ANXA7: variants seen among roughly 807,000 people sequenced by gnomAD.
ANXA7 encodes annexin A7.
A neutral mutation model predicts 64.9 loss-of-function variants in ANXA7; 55 were observed. The ratio of observed to expected loss-of-function variants is 0.85; its 90% CI spans 0.68 to 1.06. The LOEUF is 1.06. ANXA7 is among the 50% of genes least tolerant of loss of function. The probability of loss-of-function intolerance (pLI) is 0.00; values close to 1 mark genes in which losing one functional copy is unlikely to be tolerated. For synonymous variants in ANXA7, 200 were observed against 192.4 expected (o/e 1.04, Z -0.33); for missense variants, 548 against 582.1 (o/e 0.94, Z 0.60).
chr10:73,408,680 A>G (rs988497847), intron 1 of ANXA7, among the ~76,000 whole-genome samples: 1 of 152,182 alleles, frequency 6.6e-6, no homozygotes, highest in African/African-American at 2.4e-5. Context: ...TTGAAAAATA[A>G]TTATATAAAA....
chr10:73,388,629 C>A (rs1231451919), intron 5 of ANXA7, among the ~76,000 whole-genome samples: 2 of 152,128 alleles, frequency 1.3e-5, no homozygotes, highest in African/African-American at 2.4e-5. Flanking sequence ...CAACAGATAG[C>A]CAGACACCAA....
intron 9 of ANXA7, chr10:73,381,503 G>T (rs2055274407): frequency 6.6e-6 from 1 of 152,162 alleles, no homozygotes; most frequent in South Asian, 2.1e-4. Context: ...CTGAAGAACT[G>T]TCTTCTGAGC....
At chr10:73,390,432 G>T (rs2055451086) in intron 5 of ANXA7, among the ~76,000 whole-genome samples, 1 of 152,014 alleles carries the variant, frequency 6.6e-6, no homozygotes, top group Non-Finnish European at 1.5e-5. Flanking sequence ...CCAAGCTAGG[G>T]CTGTAAGCAG....
At chr10:73,379,652 T>C (rs1396357205) in intron 11 of ANXA7, among the ~76,000 whole-genome samples, 3 of 152,188 alleles carry the variant, frequency 2.0e-5, no homozygotes, top group Non-Finnish European at 4.4e-5. Context: ...CCCTGTTTGA[T>C]CACAGAACTA....
At chr10:73,376,431 C>G (rs1431211399) in intron 12 of ANXA7, among the ~76,000 whole-genome samples, 2 of 152,078 alleles carry the variant, frequency 1.3e-5, no homozygotes, top group African/African-American at 4.8e-5. Context: ...CAGGGTAGTA[C>G]TAGTTTCATC....
chr10:73,403,252 G>A (rs548897867), intron 1 of ANXA7, among the ~76,000 whole-genome samples: 2 of 152,204 alleles, frequency 1.3e-5, no homozygotes, highest in African/African-American at 4.8e-5. Flanking sequence ...ACTTTGGAAG[G>A]CTGAGGCAGT....
chr10:73,395,933 T>C, intron 5 of ANXA7: 6 of 759,488 alleles, frequency 7.9e-6, no homozygotes, highest in South Asian at 1.4e-5. Context: ...AAAGATAAAA[T>C]AGATACAGGT....
At position 73,380,195 on chromosome 10, in the gene ANXA7, G is replaced by A. The variant is rs770697765; in HGVS notation, c.925C>T (p.Arg309Cys). Residue 309 changes from arginine (R) to cysteine (C), a missense_variant, in exon 10 of 13, where the codon CGT (arginine) becomes TGT (cysteine). Physicochemically the swap from Arg to Cys is radical, Grantham distance 180 (BLOSUM62 -3). Transcript: ENST00000372921. ...RLLVSMCQGN[R>C]DENQSINHQM... ...TGGTTTATACTCTGGTTCTCATCAC[G>A]ATTTCCCTGCAAAAGAGAAAGGCAG... The A allele has an allele frequency of 3.6e-5, 57 of 1,600,768 alleles. No individual in the cohort carries two copies. Among genetic ancestry groups the A allele is most frequent in the South Asian group, 1.0e-4 (9 of 87,478 alleles).
chr10:73,396,577 A>C lies in ANXA7; in HGVS notation c.377T>G (p.Phe126Cys). The C allele has an allele frequency of 6.2e-7, 1 of 1,606,550 alleles. No individual in the cohort carries two copies. The change falls in exon 5 of 13, where the codon TTT becomes TGT. Residue 126 changes from phenylalanine (F) to cysteine (C), a missense_variant. Coordinates refer to ENST00000372921, the MANE Select transcript of ANXA7 (RefSeq NM_001156.5). ...GPAQVPLPGGFPGGQMPSQYP... is the reference protein window; with the variant it reads ...GPAQVPLPGGCPGGQMPSQYP... ...CTGAGAAGGCATCTGTCCTCCAGGAAAGCCACCTATAATGTTAAAAAAAAT... is the reference window on the plus strand; with the variant it reads ...CTGAGAAGGCATCTGTCCTCCAGGACAGCCACCTATAATGTTAAAAAAAAT...
chr10:73,379,125 T>C, intron 11 of ANXA7, 102 bp from the exon 12 acceptor site: 1 of 751,188 alleles, frequency 1.3e-6, no homozygotes, highest in Non-Finnish European at 2.1e-6. Context: ...TTATTTTCTC[T>C]GTAATCATCA....
In ANXA7 at chr10:73,403,143, G is replaced by C. The variant is rs1221043812; in HGVS notation, c.-1-2286C>G. Among the ~76,000 whole-genome samples the C allele has an allele frequency of 3.3e-5, 5 of 152,160 alleles. No homozygotes were observed. In the East Asian group the frequency reaches 9.7e-4, roughly 29 times the overall value. ...CGGCACATACTCTGTTTCTTTACTG[G>C]CTTTTTTCTTTTATTATGGCCAACA... is the stretch of plus-strand genomic sequence containing the variant. On this transcript the variant is annotated intron_variant, in intron 1 of 12. Coordinates refer to ENST00000372921, the MANE Select transcript of ANXA7 (RefSeq NM_001156.5).
chr10:73,398,417 C>A lies in ANXA7; in HGVS notation c.55-32G>T, dbSNP rs369047780. ...AATCAGAATAATTTTTAAACAAATA[C>A]GATCATAGAGAAATATGACCCATCT... On this transcript the variant is annotated intron_variant, in intron 2 of 12. Coordinates refer to ENST00000372921, the MANE Select transcript of ANXA7 (RefSeq NM_001156.5). 5 of 1,569,650 alleles carry A rather than the reference C, an allele frequency of 3.2e-6. No homozygotes were observed. In the South Asian group the frequency reaches 5.7e-5, roughly 18 times the overall value.
intron 9 of ANXA7, 131 bp downstream of exon 9, chr10:73,383,044 G>T (rs2055299505): frequency 2.7e-6 from 2 of 738,448 alleles, no homozygotes; most frequent in Admixed American, 3.2e-5. Context: ...ACTGGTTTCT[G>T]TGTTGTCCCT....
Position 73,388,145 on chromosome 10 carries a change from C to G in ANXA7, c.538+167G>C, listed in dbSNP as rs543270583. Among the ~76,000 whole-genome samples the G allele has an allele frequency of 1.2e-3, 182 of 152,220 alleles. 1 individual carries two copies. The highest frequency in any genetic ancestry group is 4.3e-3 in the African/African-American group (180 of 41,532). On this transcript the variant is annotated intron_variant, in intron 6 of 12. Coordinates refer to ENST00000372921, the MANE Select transcript of ANXA7 (RefSeq NM_001156.5). ...TACAGGTGTAAGCCACCACACCCAG[C>G]CTGAGGTCATCTCTTAGAATGCTTA...
chr10:73,395,758 C>T (rs1327740656), intron 5 of ANXA7: 3 of 473,878 alleles, frequency 6.3e-6, no homozygotes, highest in Middle Eastern at 7.9e-4. Context: ...TGCACTCTAG[C>T]CTGGGTGCCA....
chr10:73,409,388 A>T (rs575628164), intron 1 of ANXA7, among the ~76,000 whole-genome samples: 2 of 152,352 alleles, frequency 1.3e-5, no homozygotes, highest in South Asian at 4.1e-4. Flanking sequence ...CTGAGAATCA[A>T]ATCAAGAGCT....
In ANXA7 at chr10:73,375,727, AAGGCAGAGCTTTC is replaced by A. The variant is rs2055159350; in HGVS notation, c.*355_*367del. On this transcript the variant is annotated 3_prime_UTR_variant, in exon 13 of 13. Coordinates refer to ENST00000372921, the MANE Select transcript of ANXA7 (RefSeq NM_001156.5). ...TCAAGCAGACTTAGAGGGATTCCGG[AAGGCAGAGCTTTC>A]AGTAACCTTCTAAAAAATTATTCAA... The A allele has an allele frequency of 1.3e-5, 2 of 156,324 alleles. No homozygotes were observed. The highest frequency in any genetic ancestry group is 4.8e-5 in the African/African-American group (2 of 41,556). 9.7% of individuals were successfully genotyped at this position (156,324 alleles called of 1,614,324 possible).
chr10:73,383,113 T>G, intron 9 of ANXA7, 62 bp downstream of exon 9: 1 of 1,457,998 alleles, frequency 6.9e-7, no homozygotes. Context: ...GAATGCTCAC[T>G]GGCAAAAGGC....
chr10:73,380,041 G>T lies in ANXA7; in HGVS notation c.1079C>A (p.Ala360Asp). 6.2e-7 allele frequency: 1 copy of T among 1,613,844 alleles called. No homozygotes were observed. The highest frequency in any genetic ancestry group is 8.5e-7 in the Non-Finnish European group (1 of 1,179,956). Reference sequence around the variant, plus strand: ...AAGAAAAGCTCATACCCTAGAATAAGCCTCCATGGTAGCTCTCAGCTGAGG... The same window carrying T: ...AAGAAAAGCTCATACCCTAGAATAATCCTCCATGGTAGCTCTCAGCTGAGG... ...SFPQLRATME[A>D]YSRMANRDLL... Residue 360 changes from alanine (A) to aspartate (D), a missense_variant, in exon 10 of 13, where the codon GCT becomes GAT. Physicochemically the swap from Ala to Asp is moderately radical, Grantham distance 126. Coordinates refer to ENST00000372921, the MANE Select transcript of ANXA7 (RefSeq NM_001156.5).
Sources: allele counts gnomAD v4.1 joint callset (sites outside exome capture counted in the v4.1 genomes callset), GRCh38; gene constraint gnomAD v4.1.1; transcripts MANE v1.5; gene names NCBI Gene and HGNC (gene_info 2026-07-23, HGNC 2026-07-21).